The following GALNT18 variants were observed in gnomAD, a reference collection of about 807,000 sequenced individuals.
The protein encoded by GALNT18 is polypeptide N-acetylgalactosaminyltransferase 18.
A neutral mutation model predicts 69.5 loss-of-function variants in GALNT18; 44 were observed. The ratio of observed to expected loss-of-function variants is 0.63; its 90% confidence interval spans 0.50 to 0.81. The LOEUF (loss-of-function observed/expected upper bound fraction) is 0.81, where lower values mean the gene tolerates loss of function less well. Among genes scored for constraint, GALNT18 ranks in the 40% least tolerant of loss-of-function variants. GALNT18 has a pLI of 0.00. For missense variants in GALNT18, 715 were observed against 810.0 expected (o/e 0.88, Z 1.42); for synonymous variants, 364 against 318.2 (o/e 1.14, Z -1.53).
intron 1 of GALNT18, among the ~76,000 whole-genome samples, chr11:11,570,420 G>C (rs373022441): frequency 6.6e-6 from 1 of 152,168 alleles, no homozygotes; most frequent in Non-Finnish European, 1.5e-5. Flanking sequence ...TAGCCTCTGC[G>C]CACGACCCAA....
chr11:11,439,794 G>A lies in GALNT18; in HGVS notation c.429-7007C>T, dbSNP rs1341614715. 6.6e-6 allele frequency among the ~76,000 whole-genome samples: 1 copy of A among 152,112 alleles called. No homozygotes were observed. Among genetic ancestry groups the A allele is most frequent in the East Asian group, 1.9e-4 (1 of 5,190 alleles). ...ATGGGAATTCTACCATGACCTGATGGGAATGGAATCACTGAGTTGTACATT... is the reference window on the plus strand; with the variant it reads ...ATGGGAATTCTACCATGACCTGATGAGAATGGAATCACTGAGTTGTACATT... On this transcript the variant is annotated intron_variant, in intron 2 of 10. Transcript: ENST00000227756. This position sits in a 1 kb window ranked among gnomAD's most constrained non-coding sequence, Gnocchi z 4.4.
rs1335078718 is a variant in GALNT18, at chr11:11,454,787, C to T, written c.236-5851G>A. ...AAAGCTCTGGCAGACACGTTGATAC[C>T]CATCTTCCCTCCTGAGTCTCCTCAG... On this transcript the variant is annotated intron_variant, in intron 1 of 10. Coordinates refer to ENST00000227756, the MANE Select transcript of GALNT18 (RefSeq NM_198516.3). This position sits in a 1 kb window ranked among gnomAD's most constrained non-coding sequence, Gnocchi z 4.2. 6.6e-6 allele frequency among the ~76,000 whole-genome samples: 1 copy of T among 152,068 alleles called. No individual in the cohort carries two copies. The highest frequency in any genetic ancestry group is 1.9e-4 in the East Asian group (1 of 5,184).
Position 11,314,320 on chromosome 11 carries a change from G to A in GALNT18, c.1512+12766C>T, listed in dbSNP as rs1222009607. Among the ~76,000 whole-genome samples, 1 of 152,048 alleles carries A rather than the reference G, an allele frequency of 6.6e-6. No individual in the cohort carries two copies. Among genetic ancestry groups the A allele is most frequent in the East Asian group, 1.9e-4 (1 of 5,192 alleles). ...AAACTCACTGTTTACAACTCTAATTGTGGAGTTTGGACATGAAGTGAAGAA... is the reference window on the plus strand; with the variant it reads ...AAACTCACTGTTTACAACTCTAATTATGGAGTTTGGACATGAAGTGAAGAA... On this transcript the variant is annotated intron_variant, in intron 9 of 10. Coordinates refer to ENST00000227756, the MANE Select transcript of GALNT18 (RefSeq NM_198516.3). The surrounding 1 kb of genome is among the most constrained non-coding windows in gnomAD (Gnocchi z 5.2).
intron 9 of GALNT18, among the ~76,000 whole-genome samples, chr11:11,304,955 T>C (rs1303076847): frequency 1.3e-5 from 2 of 152,158 alleles, no homozygotes; most frequent in East Asian, 3.9e-4. Flanking sequence ...TAAACACATC[T>C]TGTTGTAAGC....
intron 1 of GALNT18, among the ~76,000 whole-genome samples, chr11:11,580,908 G>A (rs1859063529): frequency 6.6e-6 from 1 of 152,230 alleles, no homozygotes; most frequent in African/African-American, 2.4e-5. Context: ...TGTGACTTTT[G>A]TAATCTCCAC....
At chr11:11,272,968 A>T (rs1233140487) in intron 10 of GALNT18, among the ~76,000 whole-genome samples, 17 of 152,164 alleles carry the variant, frequency 1.1e-4, no homozygotes, top group Admixed American at 5.3e-4. Flanking sequence ...CTTTTCAATA[A>T]ATTGCCTGAG....
chr11:11,344,013 G>A (rs1159744115), intron 6 of GALNT18, among the ~76,000 whole-genome samples: 3 of 152,078 alleles, frequency 2.0e-5, no homozygotes, highest in Non-Finnish European at 4.4e-5. Context: ...CTCTGCCACA[G>A]ACTCCAAACA....
At chr11:11,453,191 TG>T (rs561888429) in intron 1 of GALNT18, among the ~76,000 whole-genome samples, 159 of 152,266 alleles carry the variant, frequency 1.0e-3, no homozygotes, top group African/African-American at 3.7e-3. Flanking sequence ...TAGGGCAGGT[TG>T]GGGAGCCCCA....
intron 3 of GALNT18, among the ~76,000 whole-genome samples, chr11:11,425,704 A>T (rs1855113184): frequency 6.6e-6 from 1 of 152,124 alleles, no homozygotes; most frequent in Non-Finnish European, 1.5e-5. Context: ...AACCTGAAAG[A>T]GTTCACGTTC....
At position 11,332,207 on chromosome 11, in the gene GALNT18, A is replaced by T. The variant is rs1850027651; in HGVS notation, c.1416+487T>A. Among the ~76,000 whole-genome samples, 1 of 152,086 alleles carries T rather than the reference A, an allele frequency of 6.6e-6. No individual in the cohort carries two copies. Among genetic ancestry groups the T allele is most frequent in the Admixed American group, 6.5e-5 (1 of 15,272 alleles). On this transcript the variant is annotated intron_variant, in intron 8 of 10. Coordinates refer to ENST00000227756, the MANE Select transcript of GALNT18 (RefSeq NM_198516.3). The surrounding 1 kb of genome is among the most constrained non-coding windows in gnomAD (Gnocchi z 4.3). The stretch of plus-strand genomic sequence containing the variant: ...CAGGGAGAACTTCTCTGTGCCCATC[A>T]ACAAGCAGTACTAAAAATACAGCAA...
intron 3 of GALNT18, among the ~76,000 whole-genome samples, chr11:11,427,024 C>T (rs1207763880): frequency 1.3e-5 from 2 of 152,230 alleles, no homozygotes; most frequent in Non-Finnish European, 2.9e-5. Context: ...AAGTGATCCT[C>T]CTGCCTTGGC....
intron 1 of GALNT18, among the ~76,000 whole-genome samples, chr11:11,502,916 T>C (rs537143044): frequency 2.0e-5 from 3 of 152,296 alleles, no homozygotes; most frequent in African/African-American, 4.8e-5. Flanking sequence ...GGAAGCACAG[T>C]CACTCATTTT....
rs1372331145 is a variant in GALNT18 at position 11,383,453 on chromosome 11, G to A, written c.596-4189C>T. 6.6e-6 allele frequency among the ~76,000 whole-genome samples: 1 copy of A among 152,140 alleles called. No individual in the cohort carries two copies. The highest frequency in any genetic ancestry group is 1.5e-5 in the Non-Finnish European group (1 of 68,022). On this transcript the variant is annotated intron_variant, in intron 3 of 10. Transcript: ENST00000227756. The surrounding 1 kb of genome is among the most constrained non-coding windows in gnomAD (Gnocchi z 5.2). ...GATCTGAAAGTTGATGCCTAATGGG[G>A]CTTTGCTCTTTGGAAGGCAGGTGCA...
chr11:11,510,998 G>A (rs754735647), intron 1 of GALNT18, among the ~76,000 whole-genome samples: 16 of 151,758 alleles, frequency 1.1e-4, no homozygotes, highest in Admixed American at 3.3e-4. Context: ...AGACACAACC[G>A]GCACTCTTTC....
rs1489422442 is a variant in GALNT18 at position 11,543,798 on chromosome 11, T to C, written c.235+77561A>G. 6.6e-6 allele frequency among the ~76,000 whole-genome samples: 1 copy of C among 152,094 alleles called. No individual in the cohort carries two copies. The highest frequency in any genetic ancestry group is 1.5e-5 in the Non-Finnish European group (1 of 68,028). On this transcript the variant is annotated intron_variant, in intron 1 of 10. Transcript: ENST00000227756. The surrounding 1 kb of genome is among the most constrained non-coding windows in gnomAD (Gnocchi z 5.1). ...GACTGGGGCCCCGAATGTGCCACGG[T>C]GGGTGGGTGTGGTTATTGCTCCCAT...
intron 10 of GALNT18, among the ~76,000 whole-genome samples, chr11:11,283,209 C>T (rs1590004537): frequency 1.3e-5 from 2 of 152,106 alleles, no homozygotes; most frequent in African/African-American, 4.8e-5. Flanking sequence ...GGCTGGAGTG[C>T]AGTAGCAGGA....
At position 11,444,086 on chromosome 11, in the gene GALNT18, G is replaced by A. The variant is rs1590008052; in HGVS notation, c.428+4658C>T. ...TTCAAAGATCCCAGATGTCTCTCTA[G>A]AGTCTGGACTGTTAAAACAACTCTC... On this transcript the variant is annotated intron_variant, in intron 2 of 10. Coordinates refer to ENST00000227756, the MANE Select transcript of GALNT18 (RefSeq NM_198516.3). The surrounding 1 kb of genome is among the most constrained non-coding windows in gnomAD (Gnocchi z 4.4). Among the ~76,000 whole-genome samples, 1 of 152,166 alleles carries A rather than the reference G, an allele frequency of 6.6e-6. No individual in the cohort carries two copies. Among genetic ancestry groups the A allele is most frequent in the Non-Finnish European group, 1.5e-5 (1 of 68,034 alleles).
rs1421271451 is a variant in GALNT18, at chr11:11,605,546, C to T, written c.235+15813G>A. On this transcript the variant is annotated intron_variant, in intron 1 of 10. Coordinates refer to ENST00000227756, the MANE Select transcript of GALNT18 (RefSeq NM_198516.3). This position sits in a 1 kb window ranked among gnomAD's most constrained non-coding sequence, Gnocchi z 4.7. ...CTCTGTTTCTGCTTCAGAGGGAAAG[C>T]CAGAGGCCAACTTCCCTTTACCTCT... is the stretch of plus-strand genomic sequence containing the variant. 6.6e-6 allele frequency among the ~76,000 whole-genome samples: 1 copy of T among 152,162 alleles called. No individual in the cohort carries two copies. The highest frequency in any genetic ancestry group is 1.5e-5 in the Non-Finnish European group (1 of 68,024).
At chr11:11,611,791 T>C (rs1208797073) in intron 1 of GALNT18, among the ~76,000 whole-genome samples, 1 of 152,176 alleles carries the variant, frequency 6.6e-6, no homozygotes, top group Non-Finnish European at 1.5e-5. Context: ...AACACTCCGC[T>C]TTTTTGACAA....
Sources: gnomAD v4.1 joint callset for allele counts (sites outside exome capture counted in the v4.1 genomes callset) on GRCh38, gnomAD v4.1.1 for gene constraint, Gnocchi (gnomAD v3.1) non-coding constraint, MANE v1.5 for transcripts, NCBI Gene and HGNC (gene_info 2026-07-23, HGNC 2026-07-21) for gene names.